The following SNTG1 variants were observed in gnomAD, a reference collection of about 807,000 sequenced individuals.
The protein encoded by SNTG1 is gamma-1-syntrophin.
A neutral mutation model predicts 74.7 loss-of-function variants in SNTG1; 39 were observed. That is an observed-to-expected ratio of 0.52 (90% CI 0.40 to 0.68). The LOEUF (loss-of-function observed/expected upper bound fraction) is 0.68. Among genes scored for constraint, SNTG1 ranks in the 30% least tolerant of loss-of-function variants. SNTG1 has a pLI of 0.00. For missense variants in SNTG1, 685 were observed against 609.5 expected, an observed-to-expected ratio of 1.12 and a Z score of -1.30; for synonymous variants, 254 against 217.1, an observed-to-expected ratio of 1.17 and a Z score of -1.49.
intron 1 of SNTG1, among the ~76,000 whole-genome samples, chr8:50,103,730 G>C (rs184058083): frequency 6.6e-6 from 1 of 152,048 alleles, no homozygotes. Flanking sequence ...TTTGAGATAC[G>C]TCCCATCAAT....
At chr8:49,921,995 A>T (rs1026318533) in intron 1 of SNTG1, among the ~76,000 whole-genome samples, 1 of 152,062 alleles carries the variant, frequency 6.6e-6, no homozygotes, top group African/African-American at 2.4e-5. Context: ...ATTCTCTTCT[A>T]CGTGATTTGC....
At chr8:50,373,039 T>G (rs941511560) in intron 2 of SNTG1, among the ~76,000 whole-genome samples, 1 of 152,180 alleles carries the variant, frequency 6.6e-6, no homozygotes, top group Non-Finnish European at 1.5e-5. Flanking sequence ...TGTATATAAC[T>G]GCATTTTACC....
intron 8 of SNTG1, among the ~76,000 whole-genome samples, chr8:50,494,629 G>C (rs940084342): frequency 2.6e-5 from 4 of 151,962 alleles, no homozygotes; most frequent in Non-Finnish European, 5.9e-5. Flanking sequence ...AATGTTGCTT[G>C]AATCATTGAG....
chr8:50,638,151 A>G (rs2095050709), intron 13 of SNTG1, among the ~76,000 whole-genome samples: 1 of 152,106 alleles, frequency 6.6e-6, no homozygotes, highest in African/African-American at 2.4e-5. Context: ...GAGTGCATGC[A>G]GTCTCTAGAA....
At chr8:50,432,751 T>C (rs2093252520) in intron 4 of SNTG1, among the ~76,000 whole-genome samples, 1 of 151,808 alleles carries the variant, frequency 6.6e-6, no homozygotes, top group Non-Finnish European at 1.5e-5. Context: ...ACCAAAATAT[T>C]TTTCTTTTAT....
rs1479785025 is a variant in SNTG1, at chr8:50,536,704, G to C, written c.576G>C (p.Pro192=). The change falls in exon 11 of 19, where the codon CCG becomes CCC. Residue 192 remains proline (P), a synonymous_variant. Transcript: ENST00000642720. The stretch of plus-strand genomic sequence containing the variant: ...ACACATTATCATGCTCGTCGTGGCC[G>C]ACGTCTCCAGGCTTGAGGTGGGAGA... ...NTDTLSCSSW[P]TSPGLRWEKR... The C allele has an allele frequency of 6.2e-7, 1 of 1,613,850 alleles. No individual in the cohort carries two copies.
intron 2 of SNTG1, among the ~76,000 whole-genome samples, chr8:50,267,009 T>C (rs1411318884): frequency 2.0e-5 from 3 of 151,964 alleles, no homozygotes; most frequent in East Asian, 1.9e-4. Flanking sequence ...TTTTTTTTCA[T>C]AGTTACTAAA....
At chr8:49,911,246 AT>A, upstream of SNTG1, 1 of 152,264 alleles carries the variant, frequency 6.6e-6, no homozygotes, top group South Asian at 2.1e-4. Flanking sequence ...TTTCCAAAAT[AT>A]TCCTTTTCAT....
intron 5 of SNTG1, among the ~76,000 whole-genome samples, chr8:50,444,077 G>A (rs992422305): frequency 4.6e-5 from 7 of 152,212 alleles, no homozygotes; most frequent in Middle Eastern, 3.4e-3. Flanking sequence ...GGCAGAGGTC[G>A]CAGTGAGCTG....
intron 18 of SNTG1, among the ~76,000 whole-genome samples, chr8:50,759,525 A>G (rs943385127): frequency 2.0e-5 from 3 of 152,024 alleles, no homozygotes; most frequent in Non-Finnish European, 4.4e-5. Context: ...TTTTCTGCAT[A>G]TGGCTAGCCA....
intron 1 of SNTG1, among the ~76,000 whole-genome samples, chr8:49,937,019 C>T (rs1049145827): frequency 2.0e-5 from 3 of 152,186 alleles, no homozygotes; most frequent in Non-Finnish European, 2.9e-5. Flanking sequence ...CGTGGTGGCA[C>T]TCGCCTGTAA....
At chr8:50,069,562 T>C (rs963412555) in intron 1 of SNTG1, among the ~76,000 whole-genome samples, 1 of 146,060 alleles carries the variant, frequency 6.8e-6, no homozygotes, top group African/African-American at 2.5e-5. Context: ...TGGTTCTCTC[T>C]GGGCAGTGAG....
At chr8:50,364,415 C>G (rs951469422) in intron 2 of SNTG1, among the ~76,000 whole-genome samples, 1 of 152,118 alleles carries the variant, frequency 6.6e-6, no homozygotes, top group Non-Finnish European at 1.5e-5. Context: ...TCTATGACAT[C>G]GTAATTTCAC....
At chr8:50,247,264 G>T (rs1046085685) in intron 2 of SNTG1, among the ~76,000 whole-genome samples, 10 of 151,818 alleles carry the variant, frequency 6.6e-5, no homozygotes, top group African/African-American at 2.4e-4. Flanking sequence ...TATTTCTTTG[G>T]GGCATTGTCC....
chr8:50,416,893 C>A (rs757321122), intron 4 of SNTG1, among the ~76,000 whole-genome samples: 11 of 152,054 alleles, frequency 7.2e-5, no homozygotes, highest in Non-Finnish European at 1.6e-4. Context: ...TCTGTTCTAT[C>A]CATAGCTTAA....
chr8:50,186,280 T>C (rs554639092), intron 2 of SNTG1, among the ~76,000 whole-genome samples: 1 of 152,280 alleles, frequency 6.6e-6, no homozygotes, highest in African/African-American at 2.4e-5. Context: ...CTCCATGTCT[T>C]TGCTATTGTA....
intron 2 of SNTG1, among the ~76,000 whole-genome samples, chr8:50,312,974 T>C (rs1239333898): frequency 1.3e-5 from 2 of 149,770 alleles, no homozygotes; most frequent in Non-Finnish European, 2.9e-5. Context: ...TGTTAAAATG[T>C]CCATACTACC....
At chr8:49,997,693 T>C (rs1045928617) in intron 1 of SNTG1, among the ~76,000 whole-genome samples, 3 of 152,184 alleles carry the variant, frequency 2.0e-5, no homozygotes, top group Non-Finnish European at 4.4e-5. Context: ...AAAACTTGTG[T>C]CCTGGTTTTC....
At chr8:50,461,134 G>A (rs1305166348) in intron 8 of SNTG1, among the ~76,000 whole-genome samples, 1 of 148,948 alleles carries the variant, frequency 6.7e-6, no homozygotes, top group East Asian at 2.0e-4. Flanking sequence ...TTTGTAGAAT[G>A]TCCTTCAGCT....
Sources: gnomAD v4.1 joint callset for allele counts (sites outside exome capture counted in the v4.1 genomes callset) on GRCh38, gnomAD v4.1.1 for gene constraint, MANE v1.5 for transcripts, NCBI Gene and HGNC (gene_info 2026-07-23, HGNC 2026-07-21) for gene names.